The following EIF3L variants were observed in gnomAD, a reference collection of about 807,000 sequenced individuals.
The protein encoded by EIF3L is eIEF associated protein HSPC021.
Under a neutral mutation model 74.6 loss-of-function variants are expected in EIF3L, and 32 were observed. The observed-to-expected ratio is 0.43, with a 90% CI of 0.32 to 0.58. The LOEUF (loss-of-function observed/expected upper bound fraction) is 0.58. EIF3L is among the 20% of genes least tolerant of loss of function. The pLI, the probability that EIF3L is intolerant of heterozygous loss-of-function variation, is 0.06. For missense variants in EIF3L, 474 were observed against 707.8 expected, an observed-to-expected ratio of 0.67 and a Z score of 3.75; for synonymous variants, 256 against 254.4, an observed-to-expected ratio of 1.01 and a Z score of -0.06.
At chr22:37,861,746 A>G (rs903165456) in intron 5 of EIF3L, among the ~76,000 whole-genome samples, 4 of 152,008 alleles carry the variant, frequency 2.6e-5, no homozygotes, top group Admixed American at 6.6e-5. Flanking sequence ...TACTTTGTGG[A>G]TATGCTAAGA....
intron 4 of EIF3L, among the ~76,000 whole-genome samples, chr22:37,856,900 CTT>C (rs76324959): frequency 7.1e-6 from 1 of 141,292 alleles, no homozygotes; most frequent in Non-Finnish European, 1.6e-5. Context: ...CAACTTTGTT[CTT>C]TTTTTTTTTT....
intron 5 of EIF3L, 117 bp downstream of exon 5, chr22:37,858,857 C>A: frequency 1.0e-6 from 1 of 953,512 alleles, no homozygotes; most frequent in Non-Finnish European, 1.6e-6. Flanking sequence ...GCATGATTGG[C>A]ATGTTTTTGA....
chr22:37,864,065 A>G (rs1425991360), intron 7 of EIF3L, among the ~76,000 whole-genome samples: 1 of 148,862 alleles, frequency 6.7e-6, no homozygotes, highest in Non-Finnish European at 1.5e-5. Flanking sequence ...CTCCATCTCA[A>G]AAAAAAAAAA....
intron 5 of EIF3L, among the ~76,000 whole-genome samples, chr22:37,861,373 C>G (rs1925846545): frequency 6.6e-6 from 1 of 152,084 alleles, no homozygotes; most frequent in Admixed American, 6.6e-5. Flanking sequence ...GGATCTCTGA[C>G]TACTTTATCT....
chr22:37,852,480 T>G (rs1422141688), intron 3 of EIF3L, among the ~76,000 whole-genome samples: 2 of 152,106 alleles, frequency 1.3e-5, no homozygotes. Flanking sequence ...GCGTTAGAGA[T>G]AAGATAGGTC....
chr22:37,853,822 A>G (rs1925356628), intron 3 of EIF3L, among the ~76,000 whole-genome samples: 1 of 152,168 alleles, frequency 6.6e-6, no homozygotes, highest in Non-Finnish European at 1.5e-5. Flanking sequence ...TTTAGATTTT[A>G]TAGAGTTTAT....
At chr22:37,871,956 G>T (rs1488971213) in intron 8 of EIF3L, among the ~76,000 whole-genome samples, 1 of 151,480 alleles carries the variant, frequency 6.6e-6, no homozygotes, top group African/African-American at 2.4e-5. Context: ...CTGATCACAA[G>T]CATTTATAGA....
At chr22:37,863,103 CTT>C (rs61195610) in intron 6 of EIF3L, 65 bp downstream of exon 6, 80,424 of 979,948 alleles carry the variant, frequency 0.082, no homozygotes, top group South Asian at 0.11. Context: ...TGGCCTCCAG[CTT>C]TTTTTTTTTT....
intron 12 of EIF3L, 186 bp downstream of exon 12, chr22:37,887,031 C>T (rs1025233470): frequency 3.0e-5 from 13 of 437,988 alleles, no homozygotes; most frequent in African/African-American, 6.1e-5. Context: ...TGGGTTCAAG[C>T]GAGTCTCCCT....
chr22:37,866,092 G>C (rs1182271013), intron 7 of EIF3L, among the ~76,000 whole-genome samples: 2 of 152,168 alleles, frequency 1.3e-5, no homozygotes, highest in African/African-American at 2.4e-5. Context: ...TGCCTTGCTT[G>C]CTTTTGCAGA....
At chr22:37,856,798 C>T (rs1424636612) in intron 4 of EIF3L, among the ~76,000 whole-genome samples, 2 of 150,300 alleles carry the variant, frequency 1.3e-5, no homozygotes, top group Non-Finnish European at 3.0e-5. Flanking sequence ...GAGCCGAGAT[C>T]GCGCCATTGC....
intron 8 of EIF3L, among the ~76,000 whole-genome samples, chr22:37,873,737 A>G (rs1323998312): frequency 1.3e-5 from 2 of 152,234 alleles, no homozygotes; most frequent in Non-Finnish European, 2.9e-5. Context: ...AAACAAACAA[A>G]CAAACAAAAA....
At chr22:37,876,210 G>C in intron 10 of EIF3L, 199 bp downstream of exon 10, 1 of 536,282 alleles carries the variant, frequency 1.9e-6, no homozygotes. Flanking sequence ...GCTCACGTCA[G>C]CCTCAACCTC....
At chr22:37,849,832 T>G in intron 1 of EIF3L, 183 bp from the exon 2 acceptor site, 1 of 657,576 alleles carries the variant, frequency 1.5e-6, no homozygotes, top group Non-Finnish European at 2.7e-6. Flanking sequence ...GCACCCGTAA[T>G]GTTGTATTGT....
chr22:37,862,165 A>G (rs1376625721), intron 5 of EIF3L, among the ~76,000 whole-genome samples: 1 of 152,198 alleles, frequency 6.6e-6, no homozygotes, highest in East Asian at 1.9e-4. Context: ...TGACTAGTCA[A>G]CAATCTTTTG....
chr22:37,870,304 C>T lies in EIF3L; in HGVS notation c.708C>T (p.Asp236=), dbSNP rs754643141. 2.0e-5 allele frequency: 33 copies of T among 1,613,062 alleles called. No individual in the cohort carries two copies. Among genetic ancestry groups the T allele is most frequent in the Non-Finnish European group, 2.7e-5 (32 of 1,179,436 alleles). The change falls in exon 8 of 13, where the codon GAC becomes GAT. Residue 236 remains aspartate, a synonymous_variant. Transcript: ENST00000652021. The part of the protein sequence containing the change: ...SVLNVLHSLV[D]KSNINRQLEV... ...TCAATGTCCTTCATTCCCTGGTAGA[C>T]AAATCCAACATCAACCGACAGTTGG...
chr22:37,875,454 C>T (rs1182157625), intron 9 of EIF3L, among the ~76,000 whole-genome samples: 1 of 151,994 alleles, frequency 6.6e-6, no homozygotes, highest in Non-Finnish European at 1.5e-5. Context: ...CTGTTGTGTT[C>T]TTCCTAACCA....
At chr22:37,879,293 G>C (rs1163134308) in intron 11 of EIF3L, 1 of 152,252 alleles carries the variant, frequency 6.6e-6, no homozygotes, top group African/African-American at 2.4e-5. Flanking sequence ...GGGGTCAAGA[G>C]ATCAAGACCA....
intron 8 of EIF3L, among the ~76,000 whole-genome samples, chr22:37,871,872 GAAAAA>G (rs34538530): frequency 2.1e-4 from 25 of 119,844 alleles, no homozygotes; most frequent in Non-Finnish European, 3.7e-4. Context: ...CTGTCTCGGG[GAAAAA>G]AAAAAAAAAA....
Sources: allele counts gnomAD v4.1 joint callset (sites outside exome capture counted in the v4.1 genomes callset), GRCh38; gene constraint gnomAD v4.1.1; transcripts MANE v1.5; gene names NCBI Gene and HGNC (gene_info 2026-07-23, HGNC 2026-07-21).